C1QTNF3: variants seen among roughly 807,000 people sequenced by gnomAD.
C1QTNF3 encodes complement C1q tumor necrosis factor-related protein 3.
C1QTNF3 carries 26 observed loss-of-function variants against 32.6 expected under a neutral mutation model. That is an observed-to-expected ratio of 0.80 (90% confidence interval 0.58 to 1.11). The LOEUF is 1.11. Ranked by LOEUF, C1QTNF3 falls within the 50% of genes least tolerant of loss-of-function variation. C1QTNF3 has a pLI of 0.00. For synonymous variants in C1QTNF3, 155 were observed against 146.0 expected (o/e 1.06, Z -0.44); for missense variants, 362 against 398.2 (o/e 0.91, Z 0.77).
At chr5:34,075,908 C>T in the C1QTNF3 span, among the ~76,000 whole-genome samples, 1 of 146,790 alleles carries the variant, frequency 6.8e-6, no homozygotes, top group Non-Finnish European at 1.5e-5. Context: ...TGTGTGTATA[C>T]ACACACACAC....
the C1QTNF3 span, among the ~76,000 whole-genome samples, chr5:34,160,789 T>C: frequency 1.3e-3 from 192 of 151,206 alleles, no homozygotes; most frequent in Middle Eastern, 3.4e-3. Flanking sequence ...AGACTGATAA[T>C]AATCCCTGAC....
At chr5:34,159,922 A>G in the C1QTNF3 span, among the ~76,000 whole-genome samples, 1 of 152,134 alleles carries the variant, frequency 6.6e-6, no homozygotes, top group South Asian at 2.1e-4. Flanking sequence ...TACATTAAGG[A>G]GCAATATTAT....
At chr5:34,078,422 T>A in the C1QTNF3 span, among the ~76,000 whole-genome samples, 1 of 151,816 alleles carries the variant, frequency 6.6e-6, no homozygotes, top group Non-Finnish European at 1.5e-5. This position sits in a 1 kb window ranked among gnomAD's most constrained non-coding sequence, Gnocchi z 4.0. Context: ...CTTACAATCA[T>A]GGCGGAAGGG....
At chr5:34,219,195 C>T in the C1QTNF3 span, among the ~76,000 whole-genome samples, 71,535 of 151,760 alleles carry the variant, frequency 0.47, 19,613 homozygotes, top group African/African-American at 0.76. Flanking sequence ...TGTTTGTGCT[C>T]TGGCTGTTGT....
chr5:34,056,454 G>GTATATATATA, the C1QTNF3 span, among the ~76,000 whole-genome samples: 25 of 48,942 alleles, frequency 5.1e-4, no homozygotes, highest in African/African-American at 1.4e-3. Context: ...GTGTGTGTGT[G>GTATATATATA]TATATATATA....
At chr5:34,161,614 T>A in the C1QTNF3 span, among the ~76,000 whole-genome samples, 1 of 152,184 alleles carries the variant, frequency 6.6e-6, no homozygotes, top group Non-Finnish European at 1.5e-5. Context: ...ATTTTTCAGG[T>A]GAACTATCTG....
chr5:34,072,629 T>C, the C1QTNF3 span, among the ~76,000 whole-genome samples: 10 of 152,200 alleles, frequency 6.6e-5, no homozygotes, highest in Non-Finnish European at 1.5e-4. Flanking sequence ...CTAAATATTA[T>C]ATGAAAATCA....
the C1QTNF3 span, chr5:34,124,250 T>C: frequency 2.0e-6 from 1 of 494,110 alleles, no homozygotes. Flanking sequence ...GGAAAGCTGG[T>C]AAACTTTTTA....
chr5:34,137,944 G>C, the C1QTNF3 span, among the ~76,000 whole-genome samples: 2 of 152,130 alleles, frequency 1.3e-5, no homozygotes, highest in African/African-American at 4.8e-5. Flanking sequence ...ATTTAAAGAA[G>C]CAATTAAGTA....
the C1QTNF3 span, among the ~76,000 whole-genome samples, chr5:34,114,083 G>C: frequency 1.3e-5 from 2 of 152,274 alleles, no homozygotes; most frequent in African/African-American, 4.8e-5. Flanking sequence ...ATTAAGGAAA[G>C]TGAATAGCTC....
chr5:34,170,589 T>C, the C1QTNF3 span, among the ~76,000 whole-genome samples: 2 of 152,186 alleles, frequency 1.3e-5, no homozygotes, highest in Non-Finnish European at 2.9e-5. Context: ...TGTGCAGTTC[T>C]CTGTATATAA....
chr5:34,031,642 G>A (rs1351403789), intron 3 of C1QTNF3, among the ~76,000 whole-genome samples: 1 of 152,072 alleles, frequency 6.6e-6, no homozygotes, highest in Non-Finnish European at 1.5e-5. Context: ...AGATCAGCCT[G>A]GCCAACATAG....
intron 5 of C1QTNF3, among the ~76,000 whole-genome samples, chr5:34,021,117 C>T (rs1754317282): frequency 6.6e-6 from 1 of 152,192 alleles, no homozygotes; most frequent in Admixed American, 6.5e-5. Flanking sequence ...TATGTTTGAG[C>T]TATTCCACTG....
chr5:34,161,931 ATT>A, the C1QTNF3 span, among the ~76,000 whole-genome samples: 1 of 152,100 alleles, frequency 6.6e-6, no homozygotes, highest in Non-Finnish European at 1.5e-5. Flanking sequence ...GGGTACAACC[ATT>A]TAATTTTTTT....
the C1QTNF3 span, among the ~76,000 whole-genome samples, chr5:34,052,447 TGATA>T: frequency 3.9e-5 from 6 of 152,242 alleles, no homozygotes; most frequent in Non-Finnish European, 7.3e-5. Flanking sequence ...GCCAGCCATA[TGATA>T]GATGGCAATA....
At chr5:34,076,309 T>A in the C1QTNF3 span, among the ~76,000 whole-genome samples, 3 of 151,698 alleles carry the variant, frequency 2.0e-5, no homozygotes, top group Admixed American at 6.6e-5. Context: ...TAATTTTTTT[T>A]AATTTTAATG....
chr5:34,132,246 G>T, the C1QTNF3 span, among the ~76,000 whole-genome samples: 1 of 151,892 alleles, frequency 6.6e-6, no homozygotes, highest in Non-Finnish European at 1.5e-5. Context: ...TTAGCCAGGC[G>T]TGTTGACAGA....
chr5:34,148,167 C>A, the C1QTNF3 span, among the ~76,000 whole-genome samples: 1 of 148,690 alleles, frequency 6.7e-6, no homozygotes, highest in African/African-American at 2.5e-5. Flanking sequence ...AAACGGCGCA[C>A]CACGAGACTA....
chr5:34,055,459 G>A, the C1QTNF3 span, among the ~76,000 whole-genome samples: 3 of 152,318 alleles, frequency 2.0e-5, no homozygotes, highest in East Asian at 5.8e-4. Flanking sequence ...CACAGATGAG[G>A]CATTCAAAGC....
Sources: gnomAD v4.1 joint callset for allele counts (sites outside exome capture counted in the v4.1 genomes callset) on GRCh38, gnomAD v4.1.1 for gene constraint, Gnocchi (gnomAD v3.1) non-coding constraint, MANE v1.5 for transcripts, NCBI Gene and HGNC (gene_info 2026-07-23, HGNC 2026-07-21) for gene names.